The following RGPD2 variants were observed in gnomAD, a reference collection of about 807,000 sequenced individuals.
The protein encoded by RGPD2 is RANBP2-like and GRIP domain-containing protein 2.
RGPD2 carries 2 observed loss-of-function variants against 36.0 expected under a neutral mutation model. The ratio of observed to expected loss-of-function variants is 0.06; its 90% CI spans 0.02 to 0.17. The LOEUF (loss-of-function observed/expected upper bound fraction) is 0.17. Among genes scored for constraint, RGPD2 ranks in the 10% least tolerant of loss-of-function variants. The probability of loss-of-function intolerance (pLI) is 1.00; values close to 1 mark genes in which losing one functional copy is unlikely to be tolerated. For missense variants in RGPD2, 40 were observed against 464.3 expected, an observed-to-expected ratio of 0.09 and a Z score of 8.40; for synonymous variants, 19 against 163.8, an observed-to-expected ratio of 0.12 and a Z score of 6.75.
chr2:87,857,548 T>A, the RGPD2 span, among the ~76,000 whole-genome samples: 1 of 151,488 alleles, frequency 6.6e-6, no homozygotes, highest in African/African-American at 2.4e-5. Context: ...TTCACCGTGT[T>A]AGCCAGGATG....
the RGPD2 span, among the ~76,000 whole-genome samples, chr2:87,929,540 G>A: frequency 6.7e-6 from 1 of 148,240 alleles, no homozygotes; most frequent in African/African-American, 2.5e-5. Context: ...GACTTCTTTG[G>A]CTATTCAGGC....
chr2:87,894,252 T>A, the RGPD2 span, among the ~76,000 whole-genome samples: 1 of 152,126 alleles, frequency 6.6e-6, no homozygotes, highest in African/African-American at 2.4e-5. Context: ...TTTCTTGAGA[T>A]AATTTATAAT....
chr2:87,861,019 G>C, the RGPD2 span, among the ~76,000 whole-genome samples: 1 of 151,982 alleles, frequency 6.6e-6, no homozygotes, highest in East Asian at 1.9e-4. Context: ...GGATGTATGT[G>C]TGAGTGTCAG....
At chr2:87,986,614 TCA>T in the RGPD2 span, among the ~76,000 whole-genome samples, 2 of 151,882 alleles carry the variant, frequency 1.3e-5, no homozygotes, top group Admixed American at 1.3e-4. Context: ...GCATGGTGAC[TCA>T]CGCCTGTAAT....
chr2:87,771,393 T>TTG (rs1685108052), intron 22 of RGPD2: 1 of 17,034 alleles, frequency 5.9e-5, no homozygotes, highest in Non-Finnish European at 1.1e-4. Flanking sequence ...GTTTTTTTTT[T>TTG]TTTTTTTTTT....
chr2:87,869,934 T>C, the RGPD2 span, among the ~76,000 whole-genome samples: 2 of 152,286 alleles, frequency 1.3e-5, no homozygotes, highest in Non-Finnish European at 2.9e-5. Flanking sequence ...TTTGTGTTTT[T>C]CCCCTCTGAT....
the RGPD2 span, among the ~76,000 whole-genome samples, chr2:87,884,054 C>T: frequency 5.3e-5 from 8 of 152,040 alleles, no homozygotes; most frequent in East Asian, 1.9e-4. Flanking sequence ...GGCAACAACA[C>T]GATTCTTAAC....
chr2:87,909,168 G>A, the RGPD2 span, among the ~76,000 whole-genome samples: 1 of 152,096 alleles, frequency 6.6e-6, no homozygotes, highest in African/African-American at 2.4e-5. Context: ...TCCTGCAAAT[G>A]TAGATTGTGT....
At chr2:87,844,863 T>C in the RGPD2 span, among the ~76,000 whole-genome samples, 1 of 133,564 alleles carries the variant, frequency 7.5e-6, no homozygotes, top group Non-Finnish European at 1.6e-5. Flanking sequence ...TAGTTTATAA[T>C]CATCCAGTTT....
the RGPD2 span, among the ~76,000 whole-genome samples, chr2:87,853,761 G>GTGTAAAATAT: frequency 6.6e-6 from 1 of 151,606 alleles, no homozygotes; most frequent in Admixed American, 6.6e-5. Context: ...ATTTCTCCTA[G>GTGTAAAATAT]TGTAAAATAT....
At chr2:87,827,058 A>ACTTTCTCTCTGTTCTCT (rs1210767744), upstream of RGPD2, among the ~76,000 whole-genome samples, 2 of 150,426 alleles carry the variant, frequency 1.3e-5, no homozygotes, top group African/African-American at 4.9e-5. Context: ...ACTCAGAAAG[A>ACTTTCTCTCTGTTCTCT]CTTTCTCTCT....
At chr2:87,807,014 AATAATTCTTATTCCCCATGTTATAAATT>A (rs1685974349) in intron 6 of RGPD2, 123 bp from the exon 7 acceptor site, 1 of 64,956 alleles carries the variant, frequency 1.5e-5, no homozygotes, top group Non-Finnish European at 2.7e-5. Flanking sequence ...TTCAACTTCT[AATAATTCTTATTCCCCATGTTATAAATT>A]ATGAATCATC....
At chr2:87,860,053 A>G in the RGPD2 span, among the ~76,000 whole-genome samples, 2 of 149,954 alleles carry the variant, frequency 1.3e-5, no homozygotes, top group Non-Finnish European at 3.0e-5. Context: ...TATCATTTTC[A>G]TGTCCTAGAG....
the RGPD2 span, among the ~76,000 whole-genome samples, chr2:87,845,502 T>C: frequency 6.7e-6 from 1 of 150,340 alleles, no homozygotes; most frequent in South Asian, 2.1e-4. Flanking sequence ...CACCACAGAA[T>C]AGCATCATTT....
At chr2:87,840,379 C>A in the RGPD2 span, among the ~76,000 whole-genome samples, 1 of 142,182 alleles carries the variant, frequency 7.0e-6, no homozygotes, top group African/African-American at 2.6e-5. Flanking sequence ...TGATTTTGAA[C>A]TTTTATTCTC....
the RGPD2 span, among the ~76,000 whole-genome samples, chr2:87,879,460 C>A: frequency 7.1e-6 from 1 of 141,064 alleles, no homozygotes; most frequent in Non-Finnish European, 1.5e-5. Flanking sequence ...CCACCCCTGA[C>A]ACACACTGAG....
chr2:87,874,052 C>T, the RGPD2 span, among the ~76,000 whole-genome samples: 5 of 150,720 alleles, frequency 3.3e-5, no homozygotes, highest in South Asian at 6.3e-4. Context: ...CTGTTCATGT[C>T]CTTTGCCTAT....
upstream of RGPD2, among the ~76,000 whole-genome samples, chr2:87,830,706 A>G (rs1418720606): frequency 1.3e-5 from 2 of 152,184 alleles, no homozygotes; most frequent in Admixed American, 6.5e-5. Context: ...ATCATGTCAG[A>G]AGGCAAAGGA....
At chr2:87,885,915 T>C in the RGPD2 span, among the ~76,000 whole-genome samples, 2 of 152,032 alleles carry the variant, frequency 1.3e-5, no homozygotes. Flanking sequence ...TTGCTACTCA[T>C]CACAGATGAT....
Sources: allele counts gnomAD v4.1 joint callset (sites outside exome capture counted in the v4.1 genomes callset), GRCh38; gene constraint gnomAD v4.1.1; transcripts MANE v1.5; gene names NCBI Gene and HGNC (gene_info 2026-07-23, HGNC 2026-07-21).